ABLIM1: variants seen among roughly 807,000 people sequenced by gnomAD.
ABLIM1 encodes actin binding LIM protein 1, also known as actin-binding LIM protein 1.
In ABLIM1, 40 loss-of-function variants were observed where a neutral mutation model predicts 107.0. The ratio of observed to expected loss-of-function variants is 0.37; its 90% CI spans 0.29 to 0.49. ABLIM1 has a LOEUF of 0.49. ABLIM1 is among the 20% of genes least tolerant of loss of function. The pLI is 0.97. For missense variants in ABLIM1, 857 were observed against 1,008.5 expected (o/e 0.85, Z 2.04); for synonymous variants, 357 against 357.3 (o/e 1.00, Z 0.01).
At chr10:114,773,716 C>T in the ABLIM1 span, among the ~76,000 whole-genome samples, 2 of 151,826 alleles carry the variant, frequency 1.3e-5, no homozygotes, top group African/African-American at 2.4e-5. Context: ...AGAGAGACTC[C>T]GTCTCAAAAA....
chr10:114,767,939 G>A, intron 1 of ABLIM1: 1 of 336,500 alleles, frequency 3.0e-6, no homozygotes, highest in South Asian at 2.1e-5. Context: ...CCGAGCCCGG[G>A]GATCCGCTGC....
intron 6 of ABLIM1, among the ~76,000 whole-genome samples, chr10:114,498,773 A>G (rs1426539930): frequency 6.6e-6 from 1 of 152,346 alleles, no homozygotes; most frequent in East Asian, 1.9e-4. Flanking sequence ...GTTTGTTGTG[A>G]TGTGAGCTTC....
intron 10 of ABLIM1, among the ~76,000 whole-genome samples, chr10:114,471,608 A>G (rs1565445566): frequency 1.3e-5 from 2 of 152,218 alleles, no homozygotes; most frequent in Admixed American, 1.3e-4. Flanking sequence ...TTTTCCACGC[A>G]GAGCTATGCT....
At chr10:114,521,828 A>T (rs930765568) in intron 6 of ABLIM1, among the ~76,000 whole-genome samples, 23 of 152,186 alleles carry the variant, frequency 1.5e-4, no homozygotes, top group African/African-American at 5.6e-4. Flanking sequence ...TGAGTGACAG[A>T]TACTAGACAT....
intron 1 of ABLIM1, among the ~76,000 whole-genome samples, chr10:114,640,520 C>T (rs1020976534): frequency 2.0e-5 from 3 of 151,276 alleles, no homozygotes; most frequent in South Asian, 2.1e-4. Flanking sequence ...GAGCAAGACA[C>T]CATCTCAAAA....
chr10:114,769,471 GAA>G (rs1162958347), upstream of ABLIM1, among the ~76,000 whole-genome samples: 6 of 99,744 alleles, frequency 6.0e-5, no homozygotes, highest in East Asian at 6.5e-4. Context: ...AAGAAAGAAA[GAA>G]AGAAAGAGAA....
chr10:114,588,032 A>G (rs2074385882), intron 2 of ABLIM1, among the ~76,000 whole-genome samples: 1 of 152,214 alleles, frequency 6.6e-6, no homozygotes, highest in African/African-American at 2.4e-5. Context: ...GAAGGCAGAG[A>G]TCACGTCTGT....
rs148014619 is a variant in ABLIM1 at position 114,602,603 on chromosome 10, G to A, written c.245-642C>T. ...TGATGAGCCTCCCATTATGTGCATAGTGTCTGATACACACACTGCAGGCAG... is the reference window on the plus strand; with the variant it reads ...TGATGAGCCTCCCATTATGTGCATAATGTCTGATACACACACTGCAGGCAG... On this transcript the variant is annotated intron_variant, in intron 1 of 22. Transcript: ENST00000533213. Among the ~76,000 whole-genome samples the A allele has an allele frequency of 2.8e-3, 426 of 152,312 alleles. 3 individuals are homozygous for A. Among genetic ancestry groups the A allele is most frequent in the African/African-American group, 8.6e-3 (358 of 41,564 alleles).
chr10:114,550,010 T>C (rs977029622), intron 4 of ABLIM1, among the ~76,000 whole-genome samples: 16 of 152,208 alleles, frequency 1.1e-4, no homozygotes, highest in Non-Finnish European at 1.9e-4. Context: ...TAACTTCACA[T>C]CCTCTGTGTT....
At chr10:114,440,217 C>G in intron 19 of ABLIM1, 128 bp from the exon 20 acceptor site, 1 of 940,716 alleles carries the variant, frequency 1.1e-6, no homozygotes, top group South Asian at 1.5e-5. Context: ...TTTTCTGCTC[C>G]CAGACTCTGC....
At chr10:114,708,050 A>T (rs2081463271) in intron 1 of ABLIM1, among the ~76,000 whole-genome samples, 1 of 152,190 alleles carries the variant, frequency 6.6e-6, no homozygotes, top group Non-Finnish European at 1.5e-5. Flanking sequence ...GGTGCTGCAG[A>T]CAAAACAGGT....
intron 6 of ABLIM1, among the ~76,000 whole-genome samples, chr10:114,517,277 A>AGGACG (rs2062994750): frequency 6.6e-6 from 1 of 152,194 alleles, no homozygotes; most frequent in Admixed American, 6.5e-5. Flanking sequence ...AATACAGGAC[A>AGGACG]GGACGGGACC....
chr10:114,713,943 T>A (rs2081606793), intron 1 of ABLIM1, among the ~76,000 whole-genome samples: 1 of 152,220 alleles, frequency 6.6e-6, no homozygotes, highest in Non-Finnish European at 1.5e-5. Context: ...ACCCTGTCTG[T>A]GTTAACTGCA....
intron 1 of ABLIM1, among the ~76,000 whole-genome samples, chr10:114,602,325 G>T (rs2076077545): frequency 6.6e-6 from 1 of 152,364 alleles, no homozygotes; most frequent in South Asian, 2.1e-4. Context: ...GGCACCTTCA[G>T]AAGGAGTTCA....
intron 6 of ABLIM1, among the ~76,000 whole-genome samples, chr10:114,524,937 C>T (rs1038800903): frequency 6.6e-6 from 1 of 152,218 alleles, no homozygotes; most frequent in African/African-American, 2.4e-5. Flanking sequence ...TTCCTTGGAC[C>T]CCGCCAGGCC....
At chr10:114,738,674 T>C (rs1238285421) in intron 1 of ABLIM1, among the ~76,000 whole-genome samples, 1 of 152,196 alleles carries the variant, frequency 6.6e-6, no homozygotes, top group East Asian at 1.9e-4. Flanking sequence ...AGCTCACTTA[T>C]GCTTTAATAG....
chr10:114,790,585 T>G, the ABLIM1 span, among the ~76,000 whole-genome samples: 1 of 152,238 alleles, frequency 6.6e-6, no homozygotes, highest in South Asian at 2.1e-4. Flanking sequence ...CAGAACAGCA[T>G]TAACCTAGGT....
intron 6 of ABLIM1, among the ~76,000 whole-genome samples, chr10:114,532,629 G>T (rs1021929656): frequency 1.6e-4 from 25 of 152,174 alleles, no homozygotes. Context: ...GTAATACTGT[G>T]CCCGGAAGAG....
chr10:114,448,379 T>C (rs553259875), intron 14 of ABLIM1, among the ~76,000 whole-genome samples: 1 of 152,300 alleles, frequency 6.6e-6, no homozygotes, highest in South Asian at 2.1e-4. Context: ...AGTAGTCACA[T>C]GTGATTAGTG....
Sources: gnomAD v4.1 joint callset for allele counts (sites outside exome capture counted in the v4.1 genomes callset) on GRCh38, gnomAD v4.1.1 for gene constraint, MANE v1.5 for transcripts, NCBI Gene and HGNC (gene_info 2026-07-23, HGNC 2026-07-21) for gene names.